Variants in OSBPL10 observed in about 807,000 individuals in gnomAD.
OSBPL10 encodes the protein oxysterol binding protein like 10, also known as oxysterol-binding protein-related protein 10.
Under a neutral mutation model 81.7 loss-of-function variants are expected in OSBPL10, and 49 were observed. The observed-to-expected ratio is 0.60, with a 90% CI of 0.48 to 0.76. OSBPL10 has a LOEUF of 0.76. Ranked by LOEUF, OSBPL10 falls within the 30% of genes least tolerant of loss-of-function variation. OSBPL10 has a pLI of 0.00. For missense variants in OSBPL10, 923 were observed against 987.8 expected (o/e 0.93, Z 0.88); for synonymous variants, 419 against 383.6 (o/e 1.09, Z -1.08).
chr3:32,048,227 T>A (rs985546692), intron 1 of OSBPL10, among the ~76,000 whole-genome samples: 13 of 151,920 alleles, frequency 8.6e-5, no homozygotes, highest in African/African-American at 3.1e-4. Context: ...CTCCCTCTCA[T>A]CCCTCTGCTC....
intron 1 of OSBPL10, among the ~76,000 whole-genome samples, chr3:31,912,922 T>C (rs1283128551): frequency 6.6e-6 from 1 of 152,208 alleles, no homozygotes; most frequent in East Asian, 1.9e-4. Context: ...GGCATTATTA[T>C]ATGAATAACC....
In OSBPL10 at chr3:31,661,891, A is replaced by G. The variant is rs529443889; in HGVS notation, c.*181T>C. 2.0e-4 allele frequency: 171 copies of G among 870,560 alleles called. No homozygotes were observed. Among genetic ancestry groups the G allele is most frequent in the Non-Finnish European group, 2.8e-4 (165 of 586,474 alleles). The allele number at this position is 870,560 out of a possible 1,614,324, so 53.9% of individuals were successfully genotyped here. On this transcript the variant is annotated 3_prime_UTR_variant, in exon 12 of 12. Transcript: ENST00000396556. ...CGTGCCCCGAATGGCTCTTGAATAAATTCATTCCTCTAGCAGAGTGTGGGG... is the reference window on the plus strand; with the variant it reads ...CGTGCCCCGAATGGCTCTTGAATAAGTTCATTCCTCTAGCAGAGTGTGGGG...
rs1559456919 is a variant in OSBPL10, at chr3:31,769,455, AAAAC to A, written c.730-21339_730-21336del. 3.6e-4 allele frequency among the ~76,000 whole-genome samples: 31 copies of A among 85,978 alleles called. 2 individuals carry two copies. The highest frequency in any genetic ancestry group is 4.6e-4 in the Non-Finnish European group (20 of 43,338). 56.4% of individuals were successfully genotyped at this position (85,978 alleles called of 152,430 possible). A position where few individuals can be genotyped will look rare whatever the true frequency, so the allele number is the denominator to read the frequency against. On this transcript the variant is annotated intron_variant, in intron 4 of 11. Coordinates refer to ENST00000396556, the MANE Select transcript of OSBPL10 (RefSeq NM_017784.5). ...AGCAAAACTCCATCTCAAAAAAAAA[AAAAC>A]AAAAAAAAAACAAAAAAAAACAGAA...
At position 31,664,219 on chromosome 3, in the gene OSBPL10, C is replaced by T. The variant is rs779879535; in HGVS notation, c.2110G>A (p.Glu704Lys). 1.2e-6 allele frequency: 2 copies of T among 1,612,468 alleles called. No individual in the cohort carries two copies. The highest frequency in any genetic ancestry group is 4.5e-5 in the East Asian group (2 of 44,856). ...CCCAGCCGCAGGTATCGGGTCACCT[C>T]CCGCCAGAGGTTCCTGGGGATGCGT... ...GPMESRNLWREVTRYLRLGDI... is the reference protein window; with the variant it reads ...GPMESRNLWRKVTRYLRLGDI... Residue 704 changes from glutamate (E) to lysine (K), a missense_variant, in exon 11 of 12, where the codon GAG becomes AAG. By Grantham distance (56) the Glu-to-Lys change is moderately conservative. Coordinates refer to ENST00000396556, the MANE Select transcript of OSBPL10 (RefSeq NM_017784.5).
At chr3:32,077,525 T>A (rs1433410866) in exon 1 of OSBPL10, 1 of 152,086 alleles carries the variant, frequency 6.6e-6, no homozygotes, top group Non-Finnish European at 1.5e-5. Flanking sequence ...GGCATGCACA[T>A]TAAAAGAGTC....
chr3:31,876,659 T>C (rs1438397945), intron 2 of OSBPL10, 147 bp from the exon 3 acceptor site: 3 of 647,450 alleles, frequency 4.6e-6, no homozygotes, highest in Non-Finnish European at 8.3e-6. Context: ...ATCACAACGT[T>C]CTCAAGCGGC....
At chr3:32,009,850 G>A (rs1185377185) in intron 2 of OSBPL10, among the ~76,000 whole-genome samples, 3 of 152,120 alleles carry the variant, frequency 2.0e-5, no homozygotes, top group Admixed American at 6.5e-5. Context: ...ATTTATGATC[G>A]TGCTTGTCAG....
chr3:31,974,733 T>C (rs1282052535), intron 1 of OSBPL10, among the ~76,000 whole-genome samples: 1 of 152,146 alleles, frequency 6.6e-6, no homozygotes, highest in Non-Finnish European at 1.5e-5. Context: ...GGGGAGATAC[T>C]ATGAGGAAAG....
At chr3:32,023,537 G>A (rs1699376366) in intron 2 of OSBPL10, among the ~76,000 whole-genome samples, 1 of 152,122 alleles carries the variant, frequency 6.6e-6, no homozygotes, top group South Asian at 2.1e-4. Context: ...TCCCTTGAAG[G>A]AACTCAAGAC....
intron 1 of OSBPL10, among the ~76,000 whole-genome samples, chr3:32,067,049 A>G (rs971107642): frequency 6.6e-6 from 1 of 152,176 alleles, no homozygotes; most frequent in Non-Finnish European, 1.5e-5. Context: ...GATGTTAACC[A>G]AACTGTTTTT....
chr3:31,973,204 T>A (rs1575071323), intron 1 of OSBPL10, among the ~76,000 whole-genome samples: 1 of 152,322 alleles, frequency 6.6e-6, no homozygotes, highest in East Asian at 1.9e-4. Context: ...CCCAGAGTCC[T>A]CAGACAACTG....
At chr3:31,972,127 GC>G (rs1698583120) in intron 1 of OSBPL10, among the ~76,000 whole-genome samples, 1 of 152,220 alleles carries the variant, frequency 6.6e-6, no homozygotes, top group Non-Finnish European at 1.5e-5. Flanking sequence ...AGTGGCTCAC[GC>G]CTGTAATCCC....
chr3:31,898,832 G>GA (rs1696140678), intron 1 of OSBPL10, among the ~76,000 whole-genome samples: 1 of 150,806 alleles, frequency 6.6e-6, no homozygotes, highest in African/African-American at 2.4e-5. Context: ...AAATAATAAA[G>GA]ATGTTTAACT....
intron 1 of OSBPL10, among the ~76,000 whole-genome samples, chr3:31,949,396 CG>C (rs1329099121): frequency 5.3e-5 from 8 of 151,938 alleles, no homozygotes; most frequent in Non-Finnish European, 8.8e-5. Flanking sequence ...CGGCTGGGCA[CG>C]GTGGCTCACG....
chr3:32,055,121 T>G (rs1699698339), intron 1 of OSBPL10, among the ~76,000 whole-genome samples: 1 of 151,942 alleles, frequency 6.6e-6, no homozygotes, highest in Non-Finnish European at 1.5e-5. Flanking sequence ...TTTTATGACT[T>G]TTTGCTTAAA....
At chr3:31,918,791 C>T (rs916289004) in intron 1 of OSBPL10, among the ~76,000 whole-genome samples, 3 of 152,164 alleles carry the variant, frequency 2.0e-5, no homozygotes, top group Non-Finnish European at 2.9e-5. Context: ...AAATTTCAGA[C>T]AGTGGTAATT....
rs113170651 is a variant in OSBPL10 at position 31,932,172 on chromosome 3, GA to G, written c.281+48726del. The stretch of plus-strand genomic sequence containing the variant: ...TGGTCTCTCATTCAAGAAACTTGAA[GA>G]AAAAAAAGTTTAAGAAAACCAAACA... On this transcript the variant is annotated intron_variant, in intron 1 of 11. Transcript: ENST00000396556. Among the ~76,000 whole-genome samples, 225 of 151,898 alleles carry G rather than the reference GA, an allele frequency of 1.5e-3. 1 individual carries two copies. Among genetic ancestry groups the G allele is most frequent in the African/African-American group, 5.1e-3 (212 of 41,442 alleles).
chr3:31,994,946 G>T (rs1284789591), intron 2 of OSBPL10, among the ~76,000 whole-genome samples: 1 of 152,102 alleles, frequency 6.6e-6, no homozygotes, highest in African/African-American at 2.4e-5. Flanking sequence ...ATCACATATT[G>T]GTAGGACCAT....
intron 6 of OSBPL10, among the ~76,000 whole-genome samples, chr3:31,716,754 A>G (rs1320164275): frequency 6.6e-6 from 1 of 152,232 alleles, no homozygotes. Context: ...TATATTCTTC[A>G]ACATTAGACA....
Sources: gnomAD v4.1 joint callset for allele counts (sites outside exome capture counted in the v4.1 genomes callset) on GRCh38, gnomAD v4.1.1 for gene constraint, MANE v1.5 for transcripts, NCBI Gene and HGNC (gene_info 2026-07-23, HGNC 2026-07-21) for gene names.